GIPC2: variants seen among roughly 807,000 people sequenced by gnomAD.
The protein encoded by GIPC2 is GIPC PDZ domain containing family member 2.
In GIPC2, 30 loss-of-function variants were observed where a neutral mutation model predicts 30.6. That is an observed-to-expected ratio of 0.98 (90% confidence interval 0.73 to 1.33). The LOEUF (loss-of-function observed/expected upper bound fraction) is 1.33. GIPC2 is among the 40% of genes most tolerant of loss of function. GIPC2 has a pLI of 0.00. For synonymous variants in GIPC2, 167 were observed against 150.0 expected (o/e 1.11, Z -0.83); for missense variants, 414 against 390.3 (o/e 1.06, Z -0.51).
intron 5 of GIPC2, among the ~76,000 whole-genome samples, chr1:78,133,142 C>T (rs570944357): frequency 6.6e-6 from 1 of 152,264 alleles, no homozygotes; most frequent in Admixed American, 6.5e-5. Flanking sequence ...CCTCTTGCAC[C>T]ACCCATTCAC....
intron 2 of GIPC2, chr1:78,091,623 T>A (rs1662041444): frequency 2.6e-6 from 2 of 769,698 alleles, no homozygotes; most frequent in Admixed American, 1.7e-5. Context: ...GTGTCTGCCA[T>A]CCCCATCTGG....
At chr1:78,058,463 T>A (rs1452333126) in intron 1 of GIPC2, among the ~76,000 whole-genome samples, 2 of 152,142 alleles carry the variant, frequency 1.3e-5, no homozygotes, top group Non-Finnish European at 2.9e-5. Context: ...AGAGCGCTTA[T>A]TAGGAGTTCA....
chr1:78,099,389 T>C (rs1180529344), intron 3 of GIPC2, among the ~76,000 whole-genome samples: 5 of 151,920 alleles, frequency 3.3e-5, no homozygotes, highest in African/African-American at 1.2e-4. Context: ...GTGGGAGACA[T>C]CAAGTGTGCT....
At chr1:78,062,687 T>C (rs1310169266) in intron 1 of GIPC2, among the ~76,000 whole-genome samples, 1 of 151,138 alleles carries the variant, frequency 6.6e-6, no homozygotes, top group Non-Finnish European at 1.5e-5. Flanking sequence ...TTTTTTTTTG[T>C]ATTTTTGGTA....
At chr1:78,084,636 T>A (rs1219263364) in intron 2 of GIPC2, among the ~76,000 whole-genome samples, 1 of 152,180 alleles carries the variant, frequency 6.6e-6, no homozygotes. Flanking sequence ...ATTTACTCAT[T>A]GTAGAGATCT....
chr1:78,082,009 A>T (rs1340476835), intron 2 of GIPC2, among the ~76,000 whole-genome samples: 1 of 152,216 alleles, frequency 6.6e-6, no homozygotes, highest in Non-Finnish European at 1.5e-5. Context: ...CTTTCCCCGC[A>T]AAGTAGCCAT....
chr1:78,097,262 A>G (rs1662155563), intron 3 of GIPC2, among the ~76,000 whole-genome samples: 1 of 152,114 alleles, frequency 6.6e-6, no homozygotes, highest in Non-Finnish European at 1.5e-5. Context: ...CAAATTTCAT[A>G]GTCCTTCATG....
At chr1:78,108,382 CAAG>C (rs1662400525) in intron 3 of GIPC2, among the ~76,000 whole-genome samples, 1 of 152,160 alleles carries the variant, frequency 6.6e-6, no homozygotes, top group Non-Finnish European at 1.5e-5. Flanking sequence ...AACTAAAGAA[CAAG>C]AAGATTTCTG....
chr1:78,108,548 T>C (rs1373854745), intron 3 of GIPC2, among the ~76,000 whole-genome samples: 3 of 152,194 alleles, frequency 2.0e-5, no homozygotes, highest in African/African-American at 7.2e-5. Context: ...GCAGGTGGCA[T>C]CAGTATATGC....
chr1:78,134,103 T>C (rs985795658), intron 5 of GIPC2, among the ~76,000 whole-genome samples: 10 of 152,276 alleles, frequency 6.6e-5, no homozygotes, highest in Admixed American at 5.9e-4. Context: ...TGTGTACTCA[T>C]TGTAGTTGGG....
At chr1:78,071,887 G>A (rs1489480919) in intron 1 of GIPC2, among the ~76,000 whole-genome samples, 1 of 151,990 alleles carries the variant, frequency 6.6e-6, no homozygotes, top group Admixed American at 6.6e-5. Context: ...TTCTGCACAG[G>A]GCATATTGAT....
At chr1:78,110,874 A>G (rs914257610) in intron 3 of GIPC2, among the ~76,000 whole-genome samples, 1 of 152,172 alleles carries the variant, frequency 6.6e-6, no homozygotes, top group African/African-American at 2.4e-5. Flanking sequence ...CTCCCTATGG[A>G]TTAATAAACT....
intron 4 of GIPC2, among the ~76,000 whole-genome samples, chr1:78,124,152 C>T (rs1047601967): frequency 6.6e-6 from 1 of 152,098 alleles, no homozygotes; most frequent in African/African-American, 2.4e-5. Context: ...CCATTTTCAG[C>T]TATGATGCCA....
chr1:78,107,686 A>G (rs1298048797), intron 3 of GIPC2, among the ~76,000 whole-genome samples: 1 of 151,694 alleles, frequency 6.6e-6, no homozygotes. Context: ...TTAGCCGAAC[A>G]TGGTGGCACG....
At chr1:78,132,587 A>C (rs1662919635) in intron 5 of GIPC2, among the ~76,000 whole-genome samples, 1 of 152,080 alleles carries the variant, frequency 6.6e-6, no homozygotes, top group African/African-American at 2.4e-5. Flanking sequence ...AGTGCACTAG[A>C]CAATGCTGCT....
In GIPC2 at chr1:78,045,985, A is replaced by T. The variant is rs1661059266; in HGVS notation, c.-110A>T. The T allele has an allele frequency of 1.4e-6, 2 of 1,381,244 alleles. No individual in the cohort carries two copies. The highest frequency in any genetic ancestry group is 1.5e-5 in the African/African-American group (1 of 64,918). 85.6% of individuals were successfully genotyped at this position (1,381,244 alleles called of 1,614,324 possible). A position where few individuals can be genotyped will look rare whatever the true frequency, so the allele number is the denominator to read the frequency against. On this transcript the variant is annotated 5_prime_UTR_variant, in exon 1 of 6. Coordinates refer to ENST00000370759, the MANE Select transcript of GIPC2 (RefSeq NM_017655.6). The stretch of plus-strand genomic sequence containing the variant: ...GCAGCCAGGCGGAAGCGCGGCTGCC[A>T]TTGGAGGCTGCTTTTACCTGCGCGG...
intron 1 of GIPC2, among the ~76,000 whole-genome samples, chr1:78,051,458 G>A (rs1661196440): frequency 6.6e-6 from 1 of 152,098 alleles, no homozygotes; most frequent in Non-Finnish European, 1.5e-5. Flanking sequence ...ACATAAAGCA[G>A]TCAAAGAAAG....
At chr1:78,052,285 A>G (rs1257127659) in intron 1 of GIPC2, among the ~76,000 whole-genome samples, 2 of 152,154 alleles carry the variant, frequency 1.3e-5, no homozygotes, top group African/African-American at 2.4e-5. Context: ...TCCTATGTAT[A>G]TTTAACTTAT....
chr1:78,085,913 G>A (rs200647312), intron 2 of GIPC2, among the ~76,000 whole-genome samples: 2 of 44,360 alleles, frequency 4.5e-5, no homozygotes, highest in South Asian at 7.1e-4. Flanking sequence ...TTTTTTTTTT[G>A]TCTTGTTCAG....
Sources: gnomAD v4.1 joint callset for allele counts (sites outside exome capture counted in the v4.1 genomes callset) on GRCh38, gnomAD v4.1.1 for gene constraint, MANE v1.5 for transcripts, NCBI Gene and HGNC (gene_info 2026-07-23, HGNC 2026-07-21) for gene names.